Variants in SNAP23 observed in about 807,000 individuals in gnomAD.
SNAP23 encodes synaptosome associated protein 23.
In SNAP23, 11 loss-of-function variants were observed where a neutral mutation model predicts 29.0. The ratio of observed to expected loss-of-function variants is 0.38; its 90% CI spans 0.24 to 0.63. The LOEUF (loss-of-function observed/expected upper bound fraction) is 0.63, where lower values mean the gene tolerates loss of function less well. Ranked by LOEUF, SNAP23 falls within the 20% of genes least tolerant of loss-of-function variation. SNAP23 has a pLI of 0.58. For synonymous variants in SNAP23, 60 were observed against 82.9 expected (o/e 0.72, Z 1.50); for missense variants, 220 against 253.9 (o/e 0.87, Z 0.91).
At chr15:42,526,098 G>A (rs2057499584) in intron 5 of SNAP23, among the ~76,000 whole-genome samples, 1 of 152,096 alleles carries the variant, frequency 6.6e-6, no homozygotes, top group Non-Finnish European at 1.5e-5. Context: ...TCTTGCACCT[G>A]TTCCACAATC....
At chr15:42,527,531 G>A (rs1025598335) in intron 5 of SNAP23, among the ~76,000 whole-genome samples, 2 of 151,896 alleles carry the variant, frequency 1.3e-5, no homozygotes, top group Non-Finnish European at 2.9e-5. Flanking sequence ...GACCACAGGC[G>A]TGTGCCACCA....
At chr15:42,498,217 T>TG (rs953468333) in intron 1 of SNAP23, among the ~76,000 whole-genome samples, 11 of 152,192 alleles carry the variant, frequency 7.2e-5, no homozygotes, top group African/African-American at 2.4e-4. Flanking sequence ...GTGGGGATTC[T>TG]GGGGGGTGGG....
chr15:42,531,395 ATCTT>A lies in SNAP23; in HGVS notation c.571-13_571-10del. The A allele has an allele frequency of 6.6e-7, 1 of 1,520,396 alleles. No individual in the cohort carries two copies. Among genetic ancestry groups the A allele is most frequent in the Non-Finnish European group, 8.8e-7 (1 of 1,135,670 alleles). The allele number at this position is 1,520,396 out of a possible 1,614,324, so 94.2% of individuals were successfully genotyped here. ...GAGTTACTTACCTTGTAAAGCTGAT[ATCTT>A]TCTTGTTTTTCAGGCTGACACCAAC... On this transcript the variant is annotated splice_polypyrimidine_tract_variant and intron_variant, in intron 7 of 7. Transcript: ENST00000249647.
At chr15:42,521,649 A>G (rs2057450396) in intron 5 of SNAP23, 2 of 1,463,438 alleles carry the variant, frequency 1.4e-6, no homozygotes, top group African/African-American at 2.8e-5. Flanking sequence ...TAACTGATCA[A>G]AGGGAACTTT....
intron 5 of SNAP23, among the ~76,000 whole-genome samples, chr15:42,526,838 ATT>A (rs1379818329): frequency 4.4e-5 from 6 of 137,588 alleles, no homozygotes; most frequent in African/African-American, 2.8e-5. Flanking sequence ...TAGACTTATG[ATT>A]TTTTTTTTTT....
chr15:42,499,708 G>A (rs944898534), intron 1 of SNAP23, among the ~76,000 whole-genome samples: 2 of 152,016 alleles, frequency 1.3e-5, no homozygotes, highest in African/African-American at 4.8e-5. Context: ...TCAGCACTTT[G>A]GAAGATACTG....
chr15:42,496,979 C>T (rs1028065120), intron 1 of SNAP23, among the ~76,000 whole-genome samples: 3 of 151,850 alleles, frequency 2.0e-5, no homozygotes, highest in Non-Finnish European at 2.9e-5. Context: ...TCACCAGATT[C>T]GAGATGAGAT....
At chr15:42,493,354 CTA>C (rs934870003), upstream of SNAP23, among the ~76,000 whole-genome samples, 8 of 147,184 alleles carry the variant, frequency 5.4e-5, no homozygotes, top group African/African-American at 2.0e-4. Flanking sequence ...CTCTCTCTCT[CTA>C]TATATATATA....
intron 5 of SNAP23, among the ~76,000 whole-genome samples, chr15:42,524,615 C>G (rs2057480372): frequency 6.6e-6 from 1 of 152,098 alleles, no homozygotes; most frequent in African/African-American, 2.4e-5. Context: ...CCAAAGCATC[C>G]CCTGGTCCCC....
chr15:42,506,888 G>A (rs754679401), intron 1 of SNAP23, among the ~76,000 whole-genome samples: 29 of 150,798 alleles, frequency 1.9e-4, no homozygotes, highest in Admixed American at 1.3e-4. Flanking sequence ...ATGCCATCTC[G>A]GCTCACTGTA....
intron 5 of SNAP23, among the ~76,000 whole-genome samples, chr15:42,520,493 T>A (rs754209827): frequency 6.6e-6 from 1 of 152,168 alleles, no homozygotes; most frequent in African/African-American, 2.4e-5. Context: ...AACATTCTTT[T>A]TTTTTATTTT....
chr15:42,508,262 C>CA (rs5812223), intron 1 of SNAP23, among the ~76,000 whole-genome samples: 19,508 of 89,482 alleles, frequency 0.22, 2,071 homozygotes, highest in African/African-American at 0.38. Flanking sequence ...AGCCTTGCCT[C>CA]AAAAAAAAAA....
At chr15:42,498,138 G>GT (rs1282109830) in intron 1 of SNAP23, among the ~76,000 whole-genome samples, 12 of 152,318 alleles carry the variant, frequency 7.9e-5, no homozygotes, top group African/African-American at 2.9e-4. Flanking sequence ...CAAGCTGTTT[G>GT]TAGACCTGCC....
intron 5 of SNAP23, among the ~76,000 whole-genome samples, chr15:42,516,905 C>G (rs2057401194): frequency 6.6e-6 from 1 of 152,142 alleles, no homozygotes; most frequent in Non-Finnish European, 1.5e-5. Context: ...CTGTTTACAC[C>G]TTGGTTGACC....
At chr15:42,518,746 A>G (rs1567046503) in intron 5 of SNAP23, among the ~76,000 whole-genome samples, 2 of 152,120 alleles carry the variant, frequency 1.3e-5, no homozygotes, top group Non-Finnish European at 2.9e-5. Flanking sequence ...AAAAACTCCT[A>G]AAGTTTTGTT....
intron 3 of SNAP23, 70 bp from the exon 4 acceptor site, chr15:42,513,329 C>G: frequency 7.4e-7 from 1 of 1,354,776 alleles, no homozygotes; most frequent in Non-Finnish European, 1.1e-6. Flanking sequence ...CTGTGTTGCT[C>G]TTGTAGGTTT....
intron 1 of SNAP23, among the ~76,000 whole-genome samples, chr15:42,497,898 A>G (rs1327981095): frequency 1.3e-5 from 2 of 152,194 alleles, no homozygotes; most frequent in African/African-American, 2.4e-5. Flanking sequence ...GCCAAAACAA[A>G]GGGGCTACCG....
intron 6 of SNAP23, among the ~76,000 whole-genome samples, chr15:42,529,214 A>T (rs567050870): frequency 6.6e-6 from 1 of 152,320 alleles, no homozygotes; most frequent in South Asian, 2.1e-4. Context: ...ACAAAATCAT[A>T]TGGTGGCCAG....
At chr15:42,527,274 C>G (rs1332273582) in intron 5 of SNAP23, among the ~76,000 whole-genome samples, 1 of 152,130 alleles carries the variant, frequency 6.6e-6, no homozygotes, top group Middle Eastern at 3.2e-3. Context: ...GCCTTTCTTT[C>G]CTGATGGCTG....
Sources: allele counts gnomAD v4.1 joint callset (sites outside exome capture counted in the v4.1 genomes callset), GRCh38; gene constraint gnomAD v4.1.1; transcripts MANE v1.5; gene names NCBI Gene and HGNC (gene_info 2026-07-23, HGNC 2026-07-21).